PCDHA5: variants seen among roughly 807,000 people sequenced by gnomAD.
The protein encoded by PCDHA5 is protocadherin alpha-5.
In PCDHA5, 43 loss-of-function variants were observed where a neutral mutation model predicts 61.6. That is an observed-to-expected ratio of 0.70 (90% confidence interval 0.55 to 0.90). The LOEUF (loss-of-function observed/expected upper bound fraction) is 0.90, where lower values mean the gene tolerates loss of function less well. PCDHA5 is among the 40% of genes least tolerant of loss of function. The probability of loss-of-function intolerance (pLI) is 0.00; values close to 1 mark genes in which losing one functional copy is unlikely to be tolerated. For synonymous variants in PCDHA5, 627 were observed against 543.9 expected (o/e 1.15, Z -2.13); for missense variants, 1,298 against 1,222.7 (o/e 1.06, Z -0.92).
chr5:140,842,983 C>T (rs1554139609), intron 1 of PCDHA5: 2 of 1,594,998 alleles, frequency 1.3e-6, no homozygotes, highest in East Asian at 2.2e-5. Context: ...TGCAGGTGTT[C>T]GTGCTGGACG....
chr5:140,857,572 G>A lies in PCDHA5; in HGVS notation c.2352+33445G>A, dbSNP rs144978636. ...AGCGCTCGCTGTCGAGCTACGTGTCGGTGCACGCGGAGAGCGGCAAGGTGT... is the reference window on the plus strand; with the variant it reads ...AGCGCTCGCTGTCGAGCTACGTGTCAGTGCACGCGGAGAGCGGCAAGGTGT... On this transcript the variant is annotated intron_variant, in intron 1 of 3. Transcript: ENST00000529859. 1.4e-3 allele frequency: 2,186 copies of A among 1,596,706 alleles called. 111 individuals are homozygous for A. In the African/African-American group the frequency reaches 0.025, roughly 18 times the overall value.
intron 1 of PCDHA5, among the ~76,000 whole-genome samples, chr5:140,838,108 GT>G (rs1775540163): frequency 6.7e-6 from 1 of 149,734 alleles, no homozygotes; most frequent in Admixed American, 6.7e-5. Flanking sequence ...GTGTGTGTGT[GT>G]GTGTGTGTGT....
intron 1 of PCDHA5, among the ~76,000 whole-genome samples, chr5:140,907,298 A>T (rs138771358): frequency 0.017 from 2,638 of 152,276 alleles, 92 homozygotes; most frequent in African/African-American, 0.06. Context: ...CTGCTTCAGG[A>T]TGATGGGGAA....
At chr5:140,928,699 G>A in intron 1 of PCDHA5, 3 of 1,614,170 alleles carry the variant, frequency 1.9e-6, no homozygotes, top group Non-Finnish European at 2.5e-6. Flanking sequence ...CATCTCCCGG[G>A]CGTCTGACTC....
chr5:140,863,613 C>T, intron 1 of PCDHA5: 2 of 338,450 alleles, frequency 5.9e-6, no homozygotes, highest in South Asian at 4.9e-5. Flanking sequence ...TAATGTCCCT[C>T]ATAGTGACAT....
chr5:140,951,703 C>T (rs1000873823), intron 1 of PCDHA5, among the ~76,000 whole-genome samples: 3 of 152,110 alleles, frequency 2.0e-5, no homozygotes, highest in Non-Finnish European at 2.9e-5. Context: ...GAGCTTTGGG[C>T]GGGGACACAG....
At chr5:140,828,948 C>G in intron 1 of PCDHA5, 1 of 1,614,170 alleles carries the variant, frequency 6.2e-7, no homozygotes, top group Non-Finnish European at 8.5e-7. Context: ...AGCCTTGTTG[C>G]AGCCATGGTT....
rs782181380 is a variant in PCDHA5 at position 140,857,975 on chromosome 5, C to A, written c.2352+33848C>A. 5 of 1,596,906 alleles carry A rather than the reference C, an allele frequency of 3.1e-6. 1 individual carries two copies. The highest frequency in any genetic ancestry group is 3.4e-6 in the Non-Finnish European group (4 of 1,167,228). On this transcript the variant is annotated intron_variant, in intron 1 of 3. Coordinates refer to ENST00000529859, the MANE Select transcript of PCDHA5 (RefSeq NM_018908.3). ...CGCTCTGGATGAGACTGACTCGCCA[C>A]GCCAGCGCCTACTGGTGCTGGTGAA...
At chr5:140,854,174 A>AAAAAGAGT in intron 1 of PCDHA5, 1 of 680,558 alleles carries the variant, frequency 1.5e-6, no homozygotes, top group Non-Finnish European at 1.8e-6. Context: ...AAAAAAAAAA[A>AAAAAGAGT]AAGAGTAGTT....
At position 140,885,065 on chromosome 5, in the gene PCDHA5, T is replaced by TA. The variant is rs1440762512; in HGVS notation, c.2352+60939dup. ...TTAATGTATACATATACCCACAAGATATTATTTTAAAGAGCCCCATAACTT... is the reference window on the plus strand; with the variant it reads ...TTAATGTATACATATACCCACAAGATAATTATTTTAAAGAGCCCCATAACTT... On this transcript the variant is annotated intron_variant, in intron 1 of 3. Coordinates refer to ENST00000529859, the MANE Select transcript of PCDHA5 (RefSeq NM_018908.3). Among the ~76,000 whole-genome samples the TA allele has an allele frequency of 7.2e-5, 11 of 152,294 alleles. 1 individual carries two copies. Among genetic ancestry groups the TA allele is most frequent in the African/African-American group, 2.6e-4 (11 of 41,580 alleles).
chr5:140,854,238 G>A (rs2043048996), intron 1 of PCDHA5: 1 of 636,222 alleles, frequency 1.6e-6, no homozygotes, highest in Non-Finnish European at 2.0e-6. Flanking sequence ...GGATATTTAT[G>A]TTATCACTTG....
chr5:140,831,995 T>C (rs1371485520), intron 1 of PCDHA5, among the ~76,000 whole-genome samples: 2 of 152,226 alleles, frequency 1.3e-5, no homozygotes, highest in African/African-American at 4.8e-5. Flanking sequence ...ACGGATTCCA[T>C]ATTGTTTTCA....
At chr5:140,884,722 T>C in intron 1 of PCDHA5, 2 of 1,460,382 alleles carry the variant, frequency 1.4e-6, no homozygotes, top group South Asian at 3.0e-5. Flanking sequence ...TGCAGTTGTT[T>C]GTTTAAGACA....
rs1446194845 is a variant in PCDHA5 at position 140,858,041 on chromosome 5, C to T, written c.2352+33914C>T. 8 of 1,596,732 alleles carry T rather than the reference C, an allele frequency of 5.0e-6. No homozygotes were observed. The African/African-American group carries it at 6.8e-5, about 14-fold the overall frequency. On this transcript the variant is annotated intron_variant, in intron 1 of 3. Transcript: ENST00000529859. ...GTCGCTGACGGCCACGGCCACTGTG[C>T]TTGTGTCGCTTGTGGAGGGCAGCCA...
intron 1 of PCDHA5, chr5:140,835,068 C>T: frequency 8.3e-7 from 1 of 1,210,660 alleles, no homozygotes; most frequent in Non-Finnish European, 1.1e-6. Flanking sequence ...CGTTCAATTA[C>T]TCATCACGGT....
chr5:140,899,402 G>A lies in PCDHA5; in HGVS notation c.2352+75275G>A, dbSNP rs1465071147. On this transcript the variant is annotated intron_variant, in intron 1 of 3. Transcript: ENST00000529859. ...TTTATTGAGAGTTTTTAGCATGAAG[G>A]GTTGTTGAATTTTGTCAAAGGTCTT... Among the ~76,000 whole-genome samples, 5 of 152,122 alleles carry A rather than the reference G, an allele frequency of 3.3e-5. No individual in the cohort carries two copies. The East Asian group carries it at 7.7e-4, about 24-fold the overall frequency.
intron 1 of PCDHA5, chr5:140,850,199 T>C (rs2041415028): frequency 1.9e-6 from 3 of 1,592,798 alleles, no homozygotes; most frequent in Admixed American, 1.7e-5. Context: ...TGCTGACACC[T>C]CGGATGAGGG....
intron 1 of PCDHA5, chr5:140,870,378 T>C (rs782676295): frequency 1.9e-6 from 3 of 1,614,036 alleles, no homozygotes; most frequent in African/African-American, 1.3e-5. Flanking sequence ...TGGTGGTGAC[T>C]GCGCGGGATG....
At chr5:140,836,527 T>C (rs2150262895) in intron 1 of PCDHA5, 29 of 1,613,850 alleles carry the variant, frequency 1.8e-5, no homozygotes, top group Non-Finnish European at 2.5e-5. Context: ...GTGCTTACCC[T>C]GCTGCTGTAC....
Sources: gnomAD v4.1 joint callset for allele counts (sites outside exome capture counted in the v4.1 genomes callset) on GRCh38, gnomAD v4.1.1 for gene constraint, MANE v1.5 for transcripts, NCBI Gene and HGNC (gene_info 2026-07-23, HGNC 2026-07-21) for gene names.